The following RNF130 variants were observed in gnomAD, a reference collection of about 807,000 sequenced individuals.
RNF130 encodes E3 ubiquitin-protein ligase RNF130.
A neutral mutation model predicts 44.6 loss-of-function variants in RNF130; 21 were observed. The observed-to-expected ratio is 0.47, with a 90% confidence interval of 0.33 to 0.68. The LOEUF (loss-of-function observed/expected upper bound fraction) is 0.68, where lower values mean the gene tolerates loss of function less well. Ranked by LOEUF, RNF130 falls within the 30% of genes least tolerant of loss-of-function variation. The pLI is 0.02. For synonymous variants in RNF130, 214 were observed against 210.4 expected (o/e 1.02, Z -0.15); for missense variants, 479 against 560.6 (o/e 0.85, Z 1.47).
At chr5:180,015,163 C>G (rs1168760635) in intron 2 of RNF130, 1 of 271,712 alleles carries the variant, frequency 3.7e-6, no homozygotes, top group Non-Finnish European at 8.4e-6. Flanking sequence ...CAATAAACAT[C>G]TAATTAATAT....
intron 6 of RNF130, among the ~76,000 whole-genome samples, chr5:179,968,863 G>A (rs139988325): frequency 5.7e-4 from 86 of 152,140 alleles, no homozygotes; most frequent in African/African-American, 2.1e-3. Context: ...AACGGTCTAC[G>A]ATGCACAGGA....
At chr5:180,061,540 T>G (rs1582231997) in intron 1 of RNF130, among the ~76,000 whole-genome samples, 1 of 152,156 alleles carries the variant, frequency 6.6e-6, no homozygotes, top group Non-Finnish European at 1.5e-5. Context: ...AAAAACCACC[T>G]CCAGCCCCTC....
downstream of RNF130, among the ~76,000 whole-genome samples, chr5:179,950,681 C>T (rs778402591): frequency 5.9e-5 from 9 of 152,310 alleles, no homozygotes; most frequent in South Asian, 1.9e-3. Flanking sequence ...TAGCTCTTAA[C>T]AAAAATTCTC....
intron 3 of RNF130, among the ~76,000 whole-genome samples, chr5:179,997,265 C>CT (rs1277414405): frequency 6.6e-6 from 1 of 152,120 alleles, no homozygotes; most frequent in Non-Finnish European, 1.5e-5. Context: ...TCTCAGCCTC[C>CT]TGAGTAGCTG....
rs1765276691 is a variant in RNF130 at position 180,071,693 on chromosome 5, C to T, written c.10G>A (p.Ala4Thr). The T allele has an allele frequency of 7.3e-7, 1 of 1,374,770 alleles. No individual in the cohort carries two copies. The highest frequency in any genetic ancestry group is 9.4e-7 in the Non-Finnish European group (1 of 1,059,572). 85.2% of individuals were successfully genotyped at this position (1,374,770 alleles called of 1,614,324 possible). Residue 4 changes from alanine to threonine, a missense_variant, in exon 1 of 9, where the codon GCG (alanine) becomes ACG (threonine). Around this residue, in one of 3 missense-constraint regions of RNF130, gnomAD observed 138 missense variants for 126.9 expected, o/e 1.09. Coordinates refer to ENST00000521389, the MANE Select transcript of RNF130 (RefSeq NM_018434.6). MSCAGRAGPARLAA... is the reference protein window; with the variant it reads MSCTGRAGPARLAA... Reference sequence around the variant, plus strand: ...AGCCGGGCAGGGCCCGCCCGCCCCGCGCAGCTCATCGTCCCTCCGGCAGCC... The same window carrying T: ...AGCCGGGCAGGGCCCGCCCGCCCCGTGCAGCTCATCGTCCCTCCGGCAGCC...
At chr5:179,963,813 C>A (rs917341400) in intron 7 of RNF130, 1 of 497,952 alleles carries the variant, frequency 2.0e-6, no homozygotes, top group East Asian at 3.4e-5. Flanking sequence ...GTCCTGAGGT[C>A]TGTGAGGAGT....
chr5:180,023,644 G>A (rs1278526489), intron 2 of RNF130, among the ~76,000 whole-genome samples: 4 of 152,190 alleles, frequency 2.6e-5, no homozygotes, highest in Non-Finnish European at 4.4e-5. Flanking sequence ...GATAATTTGA[G>A]TAACAGAGTT....
intron 2 of RNF130, among the ~76,000 whole-genome samples, chr5:180,032,110 A>T (rs1485264008): frequency 6.6e-6 from 1 of 152,244 alleles, no homozygotes; most frequent in Admixed American, 6.5e-5. Context: ...TGCAAGTCCT[A>T]TATCAGATGT....
At chr5:179,974,955 G>C (rs558392707) in intron 5 of RNF130, among the ~76,000 whole-genome samples, 1 of 152,250 alleles carries the variant, frequency 6.6e-6, no homozygotes, top group Non-Finnish European at 1.5e-5. Flanking sequence ...ATGGTGAAGC[G>C]GTCCTCTGAG....
chr5:179,926,694 G>A (rs1761711821), intron 7 of RNF130, among the ~76,000 whole-genome samples: 1 of 152,140 alleles, frequency 6.6e-6, no homozygotes, highest in Non-Finnish European at 1.5e-5. Context: ...AGTTGTGTGA[G>A]CTGCTGTAGC....
At chr5:180,055,203 C>T (rs1350667141) in intron 1 of RNF130, among the ~76,000 whole-genome samples, 2 of 119,822 alleles carry the variant, frequency 1.7e-5, no homozygotes, top group African/African-American at 6.5e-5. Flanking sequence ...GCCCTGAGAT[C>T]GAGCCACTAT....
chr5:179,978,152 A>G, intron 5 of RNF130, 51 bp downstream of exon 5: 1 of 1,483,998 alleles, frequency 6.7e-7, no homozygotes, highest in Non-Finnish European at 9.4e-7. Flanking sequence ...AAAAGGAGGC[A>G]TACAAAGCAC....
chr5:179,941,684 C>T (rs963267720), intron 7 of RNF130, among the ~76,000 whole-genome samples: 1 of 152,158 alleles, frequency 6.6e-6, no homozygotes, highest in Non-Finnish European at 1.5e-5. Context: ...GATCTTTTCT[C>T]CTCAAGTCAT....
At chr5:180,007,997 T>TTG (rs1763501795) in intron 3 of RNF130, among the ~76,000 whole-genome samples, 1 of 150,792 alleles carries the variant, frequency 6.6e-6, no homozygotes, top group African/African-American at 2.4e-5. Flanking sequence ...AGTTTTTTTT[T>TTG]TTTTTTTTTT....
In RNF130 at chr5:179,955,671, T is replaced by C. The variant is rs752894077; in HGVS notation, c.1245-2A>G. 6.3e-7 allele frequency: 1 copy of C among 1,580,094 alleles called. No individual in the cohort carries two copies. The highest frequency in any genetic ancestry group is 8.6e-7 in the Non-Finnish European group (1 of 1,164,104). On this transcript the variant is annotated splice_acceptor_variant, in intron 8 of 8. Coordinates refer to ENST00000521389, the MANE Select transcript of RNF130 (RefSeq NM_018434.6). LOFTEE classifies it high-confidence loss of function. ...TTTCTTCTTCAAAACCATTCTACCC[T>C]ATGGAATAAAAGGAAAAAAGAGGTC... is the stretch of plus-strand genomic sequence containing the variant.
chr5:180,067,464 G>A (rs969706017), intron 1 of RNF130, among the ~76,000 whole-genome samples: 9 of 152,282 alleles, frequency 5.9e-5, no homozygotes, highest in African/African-American at 1.9e-4. Context: ...AACGTTTAGA[G>A]GTTCGCTGTA....
chr5:179,941,711 CT>C (rs1464298118), intron 7 of RNF130, among the ~76,000 whole-genome samples: 1 of 152,174 alleles, frequency 6.6e-6, no homozygotes, highest in Non-Finnish European at 1.5e-5. Flanking sequence ...ACTGATAGCT[CT>C]TTAATTTCTT....
rs1367522498 is a variant in RNF130, at chr5:179,998,883, ATGT to A, written c.693+14175_693+14177del. 2.7e-3 allele frequency among the ~76,000 whole-genome samples: 256 copies of A among 96,370 alleles called. 7 individuals carry two copies. Among genetic ancestry groups the A allele is most frequent in the Non-Finnish European group, 3.9e-3 (171 of 44,334 alleles). The allele number at this position is 96,370 out of a possible 152,430, so 63.2% of individuals were successfully genotyped here. A position where few individuals can be genotyped will look rare whatever the true frequency, so the allele number is the denominator to read the frequency against. Reference sequence around the variant, plus strand: ...TTTATATATATATATATATATATATATGTTTTATATATCTGAGTGCTCCAGTGT... The same window carrying A: ...TTTATATATATATATATATATATATATTTATATATCTGAGTGCTCCAGTGT... On this transcript the variant is annotated intron_variant, in intron 3 of 8. Coordinates refer to ENST00000521389, the MANE Select transcript of RNF130 (RefSeq NM_018434.6).
chr5:179,980,279 T>C (rs927598025), intron 3 of RNF130, 79 bp from the exon 4 acceptor site: 51 of 1,337,170 alleles, frequency 3.8e-5, no homozygotes, highest in Non-Finnish European at 4.6e-5. Context: ...CAATTAAAAG[T>C]ATAAAGTCTC....
Sources: allele counts gnomAD v4.1 joint callset (sites outside exome capture counted in the v4.1 genomes callset), GRCh38; gene constraint gnomAD v4.1.1; regional missense constraint gnomAD v4.1.1; transcripts MANE v1.5; gene names NCBI Gene and HGNC (gene_info 2026-07-23, HGNC 2026-07-21).